INSL6: variants seen among roughly 807,000 people sequenced by gnomAD.
The protein encoded by INSL6 is insulin like 6.
A neutral mutation model predicts 9.4 loss-of-function variants in INSL6; 16 were observed. The ratio of observed to expected loss-of-function variants is 1.70; its 90% CI spans 1.15 to 2.59. The LOEUF (loss-of-function observed/expected upper bound fraction) is 2.59. INSL6 is among the 30% of genes most tolerant of loss of function. The probability of loss-of-function intolerance (pLI) is 0.00; values close to 1 mark genes in which losing one functional copy is unlikely to be tolerated. For missense variants in INSL6, 391 were observed against 257.3 expected (o/e 1.52, Z -3.56); for synonymous variants, 154 against 96.9 (o/e 1.59, Z -3.46).
chr9:5,168,542 A>C (rs1303659522), intron 1 of INSL6, among the ~76,000 whole-genome samples: 2 of 152,192 alleles, frequency 1.3e-5, no homozygotes, highest in Non-Finnish European at 2.9e-5. Context: ...AAAAAGAATG[A>C]AAAGGAATGA....
chr9:5,132,936 C>A (rs890320676), intron 3 of INSL6: 3 of 152,106 alleles, frequency 2.0e-5, no homozygotes, highest in African/African-American at 7.2e-5. Flanking sequence ...TTTCAGGGAG[C>A]CTAATTTGGT....
chr9:5,160,157 C>T (rs1003385479), downstream of INSL6, among the ~76,000 whole-genome samples: 2 of 89,636 alleles, frequency 2.2e-5, no homozygotes, highest in African/African-American at 9.0e-5. Context: ...GCCTGGGCAA[C>T]AAGAGTAAAA....
chr9:5,163,597 G>C (rs546518335), downstream of INSL6, among the ~76,000 whole-genome samples: 3 of 151,676 alleles, frequency 2.0e-5, no homozygotes, highest in Non-Finnish European at 4.4e-5. Context: ...ATGGAAAGCA[G>C]AAGGTTCCAT....
chr9:5,185,472 A>G lies in INSL6; in HGVS notation c.131T>C (p.Leu44Pro). ...GRYLVKEIEK[L>P]CGHANWSQFR... Reference sequence around the variant, plus strand: ...CTGGCTCCAGTTGGCATGGCCGCAGAGTTTTTCTATTTCTTTCACCAAGTA... The same window carrying G: ...CTGGCTCCAGTTGGCATGGCCGCAGGGTTTTTCTATTTCTTTCACCAAGTA... The change falls in exon 1 of 2, where the codon CTC becomes CCC. Residue 44 changes from leucine to proline, a missense_variant. Leu to Pro is a moderately conservative substitution (Grantham distance 98). Transcript: ENST00000381641. The G allele has an allele frequency of 4.3e-6, 7 of 1,614,132 alleles. No homozygotes were observed. The highest frequency in any genetic ancestry group is 5.9e-6 in the Non-Finnish European group (7 of 1,180,022).
the INSL6 span, chr9:5,098,047 A>G: frequency 6.6e-6 from 1 of 152,188 alleles, no homozygotes; most frequent in Non-Finnish European, 1.5e-5. Flanking sequence ...TCTCATTAGC[A>G]GCAGTTATGC....
At chr9:5,127,566 A>C (rs1824078655) in intron 3 of INSL6, 1 of 231,396 alleles carries the variant, frequency 4.3e-6, no homozygotes, top group Admixed American at 5.7e-5. Flanking sequence ...GTGTTTTTTA[A>C]ATGGAACTAT....
the INSL6 span, chr9:5,055,764 C>A: frequency 3.7e-6 from 6 of 1,610,500 alleles, no homozygotes; most frequent in Non-Finnish European, 5.1e-6. Context: ...TTGTAACTAT[C>A]CATAAGCAAG....
At chr9:5,067,996 C>A in the INSL6 span, among the ~76,000 whole-genome samples, 1 of 151,794 alleles carries the variant, frequency 6.6e-6, no homozygotes, top group Non-Finnish European at 1.5e-5. Flanking sequence ...CCTGTCTCTA[C>A]CAAAATTACA....
chr9:5,182,887 C>T (rs1018123575), intron 1 of INSL6, among the ~76,000 whole-genome samples: 3 of 152,198 alleles, frequency 2.0e-5, no homozygotes, highest in Non-Finnish European at 4.4e-5. Flanking sequence ...GGTCCATTAA[C>T]AAGAAGCACA....
intron 2 of INSL6, among the ~76,000 whole-genome samples, chr9:5,135,456 G>T (rs1005282738): frequency 2.0e-5 from 3 of 152,144 alleles, no homozygotes; most frequent in African/African-American, 7.2e-5. Context: ...TAGAACTCAG[G>T]ATTAAGAAAC....
At chr9:5,025,138 A>AT in the INSL6 span, among the ~76,000 whole-genome samples, 50 of 147,648 alleles carry the variant, frequency 3.4e-4, no homozygotes, top group Non-Finnish European at 4.9e-4. Context: ...GTTTTTACTC[A>AT]TTTTTTTTTT....
chr9:5,090,325 A>G, the INSL6 span: 1 of 668,316 alleles, frequency 1.5e-6, no homozygotes, highest in Non-Finnish European at 2.2e-6. Context: ...TTTAATGTAT[A>G]ATAAAGTTTT....
intron 2 of INSL6, among the ~76,000 whole-genome samples, chr9:5,154,106 T>C (rs1824768901): frequency 6.6e-6 from 1 of 151,978 alleles, no homozygotes; most frequent in African/African-American, 2.4e-5. Context: ...AACAGCATGG[T>C]AGTGGTACCA....
chr9:5,052,919 C>T, the INSL6 span, among the ~76,000 whole-genome samples: 1 of 152,080 alleles, frequency 6.6e-6, no homozygotes, highest in Admixed American at 6.6e-5. Context: ...GGGCTGCTTC[C>T]ATGTTTTGGC....
At chr9:5,055,144 G>C in the INSL6 span, among the ~76,000 whole-genome samples, 3 of 151,892 alleles carry the variant, frequency 2.0e-5, no homozygotes, top group African/African-American at 7.2e-5. Context: ...TTCTAAAAGT[G>C]ATTTTAAAGG....
chr9:5,072,401 A>G, the INSL6 span: 1 of 940,034 alleles, frequency 1.1e-6, no homozygotes, highest in Admixed American at 3.1e-5. Flanking sequence ...TTATGGATTT[A>G]AAAAAATTCT....
chr9:5,084,562 T>A, the INSL6 span, among the ~76,000 whole-genome samples: 1 of 152,178 alleles, frequency 6.6e-6, no homozygotes, highest in Non-Finnish European at 1.5e-5. Context: ...AAAAATATTT[T>A]CATACTGTTG....
Position 5,131,435 on chromosome 9 carries a change from A to ATTTTTT in INSL6, c.*10+1984_*10+1989dup, listed in dbSNP as rs550915336. Among the ~76,000 whole-genome samples the ATTTTTT allele has an allele frequency of 2.9e-4, 34 of 115,832 alleles. 2 individuals carry two copies. The highest frequency in any genetic ancestry group is 4.3e-3 in the Middle Eastern group (1 of 230). 76.0% of individuals were successfully genotyped at this position (115,832 alleles called of 152,430 possible). A position where few individuals can be genotyped will look rare whatever the true frequency, so the allele number is the denominator to read the frequency against. On this transcript the variant is annotated intron_variant, in intron 3 of 3. Coordinates refer to the INSL6 transcript ENST00000649639. ...AATTCTTTAACACCACCAGTTAACA[A>ATTTTTT]TTTTTTTTTTTTTTTTTTTGAGACA...
chr9:5,158,429 A>C (rs945605221), intron 2 of INSL6, among the ~76,000 whole-genome samples: 1 of 152,192 alleles, frequency 6.6e-6, no homozygotes, highest in African/African-American at 2.4e-5. Flanking sequence ...GTAATTAATA[A>C]TCAAACTCCC....
Sources: allele counts gnomAD v4.1 joint callset (sites outside exome capture counted in the v4.1 genomes callset), GRCh38; gene constraint gnomAD v4.1.1; transcripts MANE v1.5; gene names NCBI Gene and HGNC (gene_info 2026-07-23, HGNC 2026-07-21).